The following ODAD2 variants were observed in gnomAD, a reference collection of about 807,000 sequenced individuals.
ODAD2 encodes the protein outer dynein arm docking complex subunit 2, also known as outer dynein arm-docking complex subunit 2.
A neutral mutation model predicts 106.8 loss-of-function variants in ODAD2; 89 were observed. That is an observed-to-expected ratio of 0.83 (90% CI 0.70 to 0.99). The LOEUF (loss-of-function observed/expected upper bound fraction) is 0.99, where lower values mean the gene tolerates loss of function less well. Ranked by LOEUF, ODAD2 falls within the 50% of genes least tolerant of loss-of-function variation. The pLI is 0.00. For synonymous variants in ODAD2, 404 were observed against 436.2 expected (o/e 0.93, Z 0.92); for missense variants, 1,168 against 1,238.5 (o/e 0.94, Z 0.85).
At position 27,995,056 on chromosome 10, in the gene ODAD2, C is replaced by T. The variant is rs1258489262; in HGVS notation, c.87G>A (p.Ala29=). The T allele has an allele frequency of 1.9e-6, 3 of 1,614,068 alleles. No individual in the cohort carries two copies. Among genetic ancestry groups the T allele is most frequent in the Admixed American group, 1.7e-5 (1 of 59,998 alleles). The part of the protein sequence containing the change: ...GILEITPLNE[A]ILKEIIVFVE... ...CAAACACAATAATTTCTTTCAATAT[C>T]GCTTCATTTAGAGGGGTGATTTCGA... Residue 29 remains alanine, a synonymous_variant, in exon 2 of 20, where the codon GCG becomes GCA. Transcript: ENST00000305242.
chr10:27,829,621 G>A (rs745907834), intron 19 of ODAD2, among the ~76,000 whole-genome samples: 7 of 151,882 alleles, frequency 4.6e-5, no homozygotes, highest in Admixed American at 6.6e-5. Context: ...ACATATTATC[G>A]TAAAATTTCA....
intron 19 of ODAD2, among the ~76,000 whole-genome samples, chr10:27,827,151 A>G (rs1232453423): frequency 1.3e-5 from 2 of 152,058 alleles, no homozygotes; most frequent in African/African-American, 2.4e-5. Context: ...ATTGTTTGTT[A>G]GTATTTTCAC....
At chr10:27,981,680 C>A in intron 6 of ODAD2, 98 bp from the exon 7 acceptor site, 1 of 883,750 alleles carries the variant, frequency 1.1e-6, no homozygotes, top group South Asian at 1.8e-5. Flanking sequence ...TTATTTTCAT[C>A]TCCGAAGGAT....
rs1846790053 is a variant in ODAD2, at chr10:27,945,011, T to C, written c.1387-49A>G. 15 of 1,601,842 alleles carry C rather than the reference T, an allele frequency of 9.4e-6. 1 individual carries two copies. The highest frequency in any genetic ancestry group is 3.3e-4 in the Middle Eastern group (2 of 6,020). ...AAGGTTAAGGAACACCGCATTCCCA[T>C]AGAAATGCACTAAGTAGTTACGAAT... On this transcript the variant is annotated intron_variant, in intron 10 of 19. Coordinates refer to ENST00000305242, the MANE Select transcript of ODAD2 (RefSeq NM_018076.5).
chr10:27,939,995 C>T lies in ODAD2; in HGVS notation c.1999G>A (p.Ala667Thr), dbSNP rs1289602902. Residue 667 changes from alanine (A) to threonine (T), a missense_variant, in exon 14 of 20, where the codon GCT (alanine) becomes ACT (threonine). Around this residue, in one of 3 missense-constraint regions of ODAD2, gnomAD observed 701 missense variants for 712.3 expected, o/e 0.98. Transcript: ENST00000305242. ...ATGATCCTTTCTGCTTTGATTGCAG[C>T]CCGGTAGTTTTCCTAGGAATAAAAA... is the stretch of plus-strand genomic sequence containing the variant. ...QECASEENYR[A>T]AIKAERIIEN... The T allele has an allele frequency of 6.2e-7, 1 of 1,604,658 alleles. No homozygotes were observed. Among genetic ancestry groups the T allele is most frequent in the Non-Finnish European group, 8.5e-7 (1 of 1,175,772 alleles).
intron 17 of ODAD2, among the ~76,000 whole-genome samples, chr10:27,868,175 AAAC>A (rs1246989705): frequency 6.6e-6 from 1 of 152,186 alleles, no homozygotes; most frequent in African/African-American, 2.4e-5. Flanking sequence ...AAAAGTCAAG[AAAC>A]AACATGCTTG....
chr10:27,847,167 A>G (rs1396875995), intron 19 of ODAD2, among the ~76,000 whole-genome samples: 2 of 152,154 alleles, frequency 1.3e-5, no homozygotes, highest in African/African-American at 4.8e-5. Flanking sequence ...TGATGCAAAA[A>G]TCCTCAATAA....
In ODAD2 at chr10:27,985,012, G is replaced by C; in HGVS notation, c.575+7C>G. ...ACAATAGAGGTTCCTTTTTGAAAAAGACTCACAATGAAATATGTTTTAGAG... is the reference window on the plus strand; with the variant it reads ...ACAATAGAGGTTCCTTTTTGAAAAACACTCACAATGAAATATGTTTTAGAG... On this transcript the variant is annotated splice_region_variant and intron_variant, in intron 4 of 19. Transcript: ENST00000305242. The C allele has an allele frequency of 6.3e-7, 1 of 1,599,038 alleles. No homozygotes were observed. Among genetic ancestry groups the C allele is most frequent in the Non-Finnish European group, 8.5e-7 (1 of 1,174,200 alleles).
At chr10:27,818,995 A>G (rs768358624) in intron 19 of ODAD2, among the ~76,000 whole-genome samples, 11 of 152,206 alleles carry the variant, frequency 7.2e-5, no homozygotes, top group Non-Finnish European at 1.5e-4. Context: ...ACCTTCTCAT[A>G]TGTGTAAAGG....
chr10:27,846,141 T>C (rs548082914), intron 19 of ODAD2, among the ~76,000 whole-genome samples: 161 of 152,224 alleles, frequency 1.1e-3, no homozygotes, highest in Middle Eastern at 6.8e-3. Context: ...CACCACATCG[T>C]ACTTATTCCA....
chr10:27,849,351 AT>A (rs200470315), intron 19 of ODAD2, among the ~76,000 whole-genome samples: 4,923 of 148,582 alleles, frequency 0.033, 274 homozygotes, highest in African/African-American at 0.11. Flanking sequence ...GAATTGAAAA[AT>A]GAGAACACTT....
At chr10:27,858,649 G>A (rs1839824312) in intron 19 of ODAD2, among the ~76,000 whole-genome samples, 1 of 70,244 alleles carries the variant, frequency 1.4e-5, no homozygotes, top group Non-Finnish European at 4.1e-5. Flanking sequence ...AACTGTGTGG[G>A]TGGGCCAAAC....
At chr10:27,948,993 GT>G (rs1320730067) in intron 10 of ODAD2, among the ~76,000 whole-genome samples, 1 of 151,272 alleles carries the variant, frequency 6.6e-6, no homozygotes, top group Non-Finnish European at 1.5e-5. Flanking sequence ...CCTCAACTAC[GT>G]TTTTTTAATT....
chr10:27,958,892 A>T, intron 10 of ODAD2: 2 of 1,303,978 alleles, frequency 1.5e-6, no homozygotes, highest in African/African-American at 3.0e-5. Context: ...TTCCAACGTC[A>T]AAGATCATGC....
chr10:27,882,169 AAAAAAAAGAAAGAAAG>A (rs1421296769), intron 17 of ODAD2, among the ~76,000 whole-genome samples: 22 of 88,340 alleles, frequency 2.5e-4, no homozygotes, highest in Middle Eastern at 5.4e-3. Context: ...CCTTGTCATA[AAAAAAAAGAAAGAAAG>A]AAAGAAAGAA....
intron 19 of ODAD2, among the ~76,000 whole-genome samples, chr10:27,826,482 T>C (rs1490500871): frequency 6.6e-6 from 1 of 152,076 alleles, no homozygotes; most frequent in Non-Finnish European, 1.5e-5. Context: ...ACCACTTCAG[T>C]TCCCTCACTC....
At chr10:27,972,824 C>G (rs1848944615) in intron 7 of ODAD2, among the ~76,000 whole-genome samples, 2 of 152,052 alleles carry the variant, frequency 1.3e-5, no homozygotes, top group Non-Finnish European at 2.9e-5. Flanking sequence ...CTTCAAAACT[C>G]TCTCAGTAAT....
chr10:27,819,546 T>C (rs113166729), intron 19 of ODAD2, among the ~76,000 whole-genome samples: 107 of 144,792 alleles, frequency 7.4e-4, no homozygotes, highest in Non-Finnish European at 1.4e-3. Flanking sequence ...CAAGACCATC[T>C]TGGGCAACAT....
At chr10:27,826,893 C>T (rs1487095513) in intron 19 of ODAD2, among the ~76,000 whole-genome samples, 2 of 151,968 alleles carry the variant, frequency 1.3e-5, no homozygotes, top group Admixed American at 6.6e-5. Flanking sequence ...CCTCACTCTC[C>T]AGCTACCACT....
Sources: allele counts gnomAD v4.1 joint callset (sites outside exome capture counted in the v4.1 genomes callset), GRCh38; gene constraint gnomAD v4.1.1; regional missense constraint gnomAD v4.1.1; transcripts MANE v1.5; gene names NCBI Gene and HGNC (gene_info 2026-07-23, HGNC 2026-07-21).